The following CHST7 variants were observed in gnomAD, a reference collection of about 807,000 sequenced individuals.
CHST7 encodes carbohydrate sulfotransferase 7, also known as N-acetylglucosamine 6-O-sulfotransferase 4.
A neutral mutation model predicts 9.0 loss-of-function variants in CHST7; 5 were observed. The observed-to-expected ratio is 0.56, with a 90% CI of 0.29 to 1.17. The LOEUF is 1.17. CHST7 is among the 50% of genes most tolerant of loss of function. CHST7 has a pLI of 0.08. For missense variants in CHST7, 377 were observed against 485.1 expected (o/e 0.78, Z 2.09); for synonymous variants, 244 against 237.1 (o/e 1.03, Z -0.27).
chrX:46,574,665 C>A lies in CHST7; in HGVS notation c.734C>A (p.Pro245Gln). Residue 245 changes from proline to glutamine, a missense_variant, in exon 1 of 2, where the codon CCG becomes CAG. Physicochemically the swap from Pro to Gln is moderately conservative, Grantham distance 76. Transcript: ENST00000276055. ...RALEAECRKY[P>Q]VVVIKDVRLL... The stretch of plus-strand genomic sequence containing the variant: ...CTGGAGGCCGAGTGCCGAAAGTACC[C>A]GGTGGTGGTCATCAAGGACGTGCGC... 8.3e-7 allele frequency: 1 copy of A among 1,209,245 alleles called. No individual in the cohort carries two copies. Among genetic ancestry groups the A allele is most frequent in the Non-Finnish European group, 1.1e-6 (1 of 894,297 alleles).
At chrX:46,578,656 G>A (rs978515595) in intron 1 of CHST7, among the ~76,000 whole-genome samples, 3 of 110,103 alleles carry the variant, frequency 2.7e-5, no homozygotes, top group Non-Finnish European at 5.7e-5. Flanking sequence ...GTACTCCTGA[G>A]CTCAAGCTAT....
intron 1 of CHST7, among the ~76,000 whole-genome samples, chrX:46,587,027 G>A (rs1003724847): frequency 1.3e-4 from 14 of 111,517 alleles, no homozygotes; most frequent in East Asian, 2.8e-4. Context: ...GAGCCACCAC[G>A]CCTGGCTCCA....
At chrX:46,578,140 T>G (rs1806122001) in intron 1 of CHST7, among the ~76,000 whole-genome samples, 1 of 110,341 alleles carries the variant, frequency 9.1e-6, no homozygotes, top group South Asian at 3.9e-4. Context: ...ATCTTCCCAC[T>G]GTAACAAGAT....
intron 1 of CHST7, among the ~76,000 whole-genome samples, chrX:46,579,906 C>T (rs1260460401): frequency 5.4e-5 from 6 of 110,614 alleles, no homozygotes; most frequent in East Asian, 5.6e-4. Flanking sequence ...GTAGGAGGAT[C>T]GCTTGAGCCC....
chrX:46,575,262 G>T lies in CHST7; in HGVS notation c.1331G>T (p.Arg444Leu). 1 of 1,105,782 alleles carries T rather than the reference G, an allele frequency of 9.0e-7. No individual in the cohort carries two copies. The highest frequency in any genetic ancestry group is 3.8e-5 in the East Asian group (1 of 26,276). The allele number at this position is 1,105,782 out of a possible 1,213,427, so 91.1% of individuals were successfully genotyped here. ...WRERLSREQVRQVEAACAPAM... is the reference protein window; with the variant it reads ...WRERLSREQVLQVEAACAPAM... ...GAGCGCCTGAGCCGAGAGCAGGTGC[G>T]CCAGGTGGAGGCCGCCTGCGCTCCA... Residue 444 changes from arginine to leucine, a missense_variant, in exon 1 of 2, where the codon CGC becomes CTC. Physicochemically the swap from Arg to Leu is moderately radical, Grantham distance 102. Transcript: ENST00000276055.
At chrX:46,587,860 T>A (rs1411605585) in intron 1 of CHST7, among the ~76,000 whole-genome samples, 1 of 111,486 alleles carries the variant, frequency 9.0e-6, no homozygotes, top group Non-Finnish European at 1.9e-5. Context: ...ATCCACAAAG[T>A]GTGGTTTCAG....
chrX:46,594,532 A>G (rs1052516031), intron 1 of CHST7, among the ~76,000 whole-genome samples: 1 of 110,893 alleles, frequency 9.0e-6, no homozygotes, highest in East Asian at 2.8e-4. Flanking sequence ...CCAAAAAAAA[A>G]AAAAAAGAAA....
At chrX:46,575,993 G>A (rs1295283167) in intron 1 of CHST7, among the ~76,000 whole-genome samples, 3 of 111,137 alleles carry the variant, frequency 2.7e-5, no homozygotes, top group Non-Finnish European at 1.9e-5. Flanking sequence ...TTATGCGCAG[G>A]CTCCAGGGCT....
rs771898341 is a variant in CHST7 at position 46,574,231 on chromosome X, G to A, written c.300G>A (p.Glu100=). The A allele has an allele frequency of 1.7e-6, 2 of 1,211,016 alleles. No individual in the cohort carries two copies. Among genetic ancestry groups the A allele is most frequent in the East Asian group, 3.0e-5 (1 of 33,788 alleles). The part of the protein sequence containing the change: ...SGAVGEAVSR[E]KQHIYVHATW... ...CTGTCGGGGAGGCAGTGTCTCGCGAGAAGCAGCACATCTACGTGCATGCCA... is the reference window on the plus strand; with the variant it reads ...CTGTCGGGGAGGCAGTGTCTCGCGAAAAGCAGCACATCTACGTGCATGCCA... Residue 100 remains glutamate, a synonymous_variant, in exon 1 of 2, where the codon GAG becomes GAA. Transcript: ENST00000276055.
intron 1 of CHST7, among the ~76,000 whole-genome samples, chrX:46,586,531 ACT>A (rs774700191): frequency 1.0e-3 from 116 of 110,919 alleles, no homozygotes; most frequent in Admixed American, 1.8e-3. Context: ...AATCCCTTCC[ACT>A]CTCACTTAGT....
chrX:46,581,198 G>A (rs5906238), intron 1 of CHST7, among the ~76,000 whole-genome samples: 22,353 of 101,043 alleles, frequency 0.22, 2,616 homozygotes, highest in Middle Eastern at 0.35. Context: ...TTGCACCATT[G>A]CACTCCAGCC....
chrX:46,575,012 G>C lies in CHST7; in HGVS notation c.1081G>C (p.Gly361Arg), dbSNP rs766868569. ...AWLRDLLFARGAPAWLRRRYL... is the reference protein window; with the variant it reads ...AWLRDLLFARRAPAWLRRRYL... ...GCTGCGCGATCTGCTTTTCGCGCGC[G>C]GCGCGCCCGCCTGGCTGCGGCGCCG... The change falls in exon 1 of 2, where the codon GGC (glycine) becomes CGC (arginine). Residue 361 changes from glycine to arginine, a missense_variant. Transcript: ENST00000276055. The C allele has an allele frequency of 6.1e-5, 69 of 1,127,380 alleles. No individual in the cohort carries two copies. The highest frequency in any genetic ancestry group is 2.5e-4 in the Middle Eastern group (1 of 4,075). The allele number at this position is 1,127,380 out of a possible 1,213,427, so 92.9% of individuals were successfully genotyped here.
intron 1 of CHST7, among the ~76,000 whole-genome samples, chrX:46,597,176 T>C (rs1942598229): frequency 9.0e-6 from 1 of 111,261 alleles, no homozygotes; most frequent in Non-Finnish European, 1.9e-5. Context: ...AGCAAGAAAC[T>C]GGTGACAGGA....
At chrX:46,575,496 A>C in intron 1 of CHST7, 73 bp downstream of exon 1, 7 of 852,739 alleles carry the variant, frequency 8.2e-6, no homozygotes, top group Non-Finnish European at 9.0e-6. Flanking sequence ...GGGAGGGGGA[A>C]GTGTAGGGGG....
intron 1 of CHST7, among the ~76,000 whole-genome samples, chrX:46,587,414 G>C (rs1942554820): frequency 9.0e-6 from 1 of 111,387 alleles, no homozygotes; most frequent in Non-Finnish European, 1.9e-5. Context: ...TTAAACCTGA[G>C]TGGAGAGTTG....
intron 1 of CHST7, among the ~76,000 whole-genome samples, chrX:46,587,234 T>A (rs1309177896): frequency 1.8e-5 from 2 of 110,894 alleles, no homozygotes; most frequent in Non-Finnish European, 3.8e-5. Context: ...TCACGTGGAT[T>A]GAGATTTTAC....
At chrX:46,597,091 C>G (rs779316386) in intron 1 of CHST7, among the ~76,000 whole-genome samples, 50 of 111,758 alleles carry the variant, frequency 4.5e-4, no homozygotes, top group Middle Eastern at 9.2e-3. Flanking sequence ...TTCTATTAAG[C>G]TGATGGACAG....
chrX:46,582,466 ATTC>A (rs966807510), intron 1 of CHST7, among the ~76,000 whole-genome samples: 2 of 111,688 alleles, frequency 1.8e-5, no homozygotes, highest in African/African-American at 6.5e-5. Context: ...TGAATGGAAA[ATTC>A]TTGCTGCTGG....
At chrX:46,576,898 T>C (rs1033299803) in intron 1 of CHST7, among the ~76,000 whole-genome samples, 1 of 112,081 alleles carries the variant, frequency 8.9e-6, no homozygotes, top group Middle Eastern at 4.2e-3. Flanking sequence ...CTGAAATTGC[T>C]AGGAAGTCTG....
Sources: allele counts gnomAD v4.1 joint callset (sites outside exome capture counted in the v4.1 genomes callset), GRCh38; gene constraint gnomAD v4.1.1; transcripts MANE v1.5; gene names NCBI Gene and HGNC (gene_info 2026-07-23, HGNC 2026-07-21).